The following ARHGAP29 variants were observed in gnomAD, a reference collection of about 807,000 sequenced individuals.
ARHGAP29 encodes rho GTPase-activating protein 29.
In ARHGAP29, 43 loss-of-function variants were observed where a neutral mutation model predicts 122.6. The observed-to-expected ratio is 0.35, with a 90% CI of 0.27 to 0.45. The LOEUF is 0.45. ARHGAP29 is among the 20% of genes least tolerant of loss of function. ARHGAP29 has a pLI of 1.00. For synonymous variants in ARHGAP29, 506 were observed against 497.1 expected (o/e 1.02, Z -0.24); for missense variants, 1,303 against 1,477.2 (o/e 0.88, Z 1.93).
At chr1:94,224,321 C>T (rs2101594999) in intron 2 of ARHGAP29, among the ~76,000 whole-genome samples, 1 of 152,274 alleles carries the variant, frequency 6.6e-6, no homozygotes, top group South Asian at 2.1e-4. Context: ...TTATTTCTAT[C>T]CCCTATTCTA....
At chr1:94,272,046 C>T (rs1655012647) in intron 1 of ARHGAP29, among the ~76,000 whole-genome samples, 1 of 152,084 alleles carries the variant, frequency 6.6e-6, no homozygotes, top group African/African-American at 2.4e-5. Flanking sequence ...TGTTGATAAT[C>T]CCTCACTCAA....
chr1:94,232,262 A>C (rs1338670806), intron 1 of ARHGAP29, among the ~76,000 whole-genome samples: 1 of 30,980 alleles, frequency 3.2e-5, no homozygotes, highest in Admixed American at 4.0e-4. Flanking sequence ...CTATCTCATG[A>C]GATTGTAGGG....
At chr1:94,211,380 C>G (rs902385532) in intron 3 of ARHGAP29, among the ~76,000 whole-genome samples, 6 of 133,706 alleles carry the variant, frequency 4.5e-5, no homozygotes, top group African/African-American at 1.7e-4. Context: ...AAAACTGCAA[C>G]AAAAAACACA....
chr1:94,221,525 TATTA>T (rs1221244211), intron 2 of ARHGAP29, among the ~76,000 whole-genome samples: 2 of 148,474 alleles, frequency 1.3e-5, no homozygotes, highest in African/African-American at 4.9e-5. Flanking sequence ...CAGTCATCTA[TATTA>T]TTTATATAAG....
At chr1:94,183,905 GT>G (rs1239226422) in intron 19 of ARHGAP29, among the ~76,000 whole-genome samples, 2 of 152,208 alleles carry the variant, frequency 1.3e-5, no homozygotes, top group African/African-American at 2.4e-5. Context: ...GAACATGGGG[GT>G]TTTTTATAAG....
upstream of ARHGAP29, among the ~76,000 whole-genome samples, chr1:94,241,923 AC>A (rs1557884438): frequency 6.6e-6 from 1 of 151,740 alleles, no homozygotes; most frequent in Admixed American, 6.6e-5. Flanking sequence ...CCCCACAATT[AC>A]CCCAACTTTC....
At chr1:94,215,531 G>A (rs958602836) in intron 3 of ARHGAP29, among the ~76,000 whole-genome samples, 1 of 151,884 alleles carries the variant, frequency 6.6e-6, no homozygotes, top group Non-Finnish European at 1.5e-5. Context: ...AGAATGTAGT[G>A]TATTTATGAT....
chr1:94,217,323 C>A (rs556118715), intron 3 of ARHGAP29, among the ~76,000 whole-genome samples: 17 of 151,692 alleles, frequency 1.1e-4, no homozygotes, highest in African/African-American at 3.9e-4. Flanking sequence ...CACTTGAGGT[C>A]AAGAGTTTGA....
At chr1:94,225,478 C>T (rs1043574764) in intron 2 of ARHGAP29, among the ~76,000 whole-genome samples, 1 of 151,992 alleles carries the variant, frequency 6.6e-6, no homozygotes, top group Non-Finnish European at 1.5e-5. Flanking sequence ...TTCAAACTAC[C>T]TTTGAAAACA....
At chr1:94,289,503 C>T in the ARHGAP29 span, among the ~76,000 whole-genome samples, 3 of 152,162 alleles carry the variant, frequency 2.0e-5, no homozygotes, top group Non-Finnish European at 2.9e-5. Flanking sequence ...TGCCTGATTG[C>T]CCTGGCCAGA....
At chr1:94,312,214 T>A in the ARHGAP29 span, among the ~76,000 whole-genome samples, 162 of 152,126 alleles carry the variant, frequency 1.1e-3, no homozygotes, top group Non-Finnish European at 2.0e-3. Context: ...TCCTTCCACA[T>A]CCCCCTAACT....
At chr1:94,233,556 C>T (rs1029284586) in intron 1 of ARHGAP29, among the ~76,000 whole-genome samples, 13 of 152,068 alleles carry the variant, frequency 8.5e-5, no homozygotes, top group Admixed American at 8.5e-4. Flanking sequence ...GAAAACCCTT[C>T]CAAAGTATAA....
At chr1:94,289,589 T>G in the ARHGAP29 span, among the ~76,000 whole-genome samples, 4 of 152,226 alleles carry the variant, frequency 2.6e-5, no homozygotes, top group Admixed American at 6.5e-5. Context: ...AGGGAATGCT[T>G]CCAGTTTTTG....
At chr1:94,293,605 C>A in the ARHGAP29 span, among the ~76,000 whole-genome samples, 1 of 152,212 alleles carries the variant, frequency 6.6e-6, no homozygotes, top group Non-Finnish European at 1.5e-5. Context: ...TCCTATTTGA[C>A]CGTCTTGGAA....
intron 13 of ARHGAP29, 45 bp from the exon 14 acceptor site, chr1:94,189,397 GAAT>G (rs1650001313): frequency 6.5e-7 from 1 of 1,541,396 alleles, no homozygotes; most frequent in African/African-American, 1.4e-5. Flanking sequence ...ACACTCCAAA[GAAT>G]AATAATCAGT....
the ARHGAP29 span, among the ~76,000 whole-genome samples, chr1:94,294,526 G>A: frequency 5.3e-5 from 8 of 152,166 alleles, no homozygotes; most frequent in Non-Finnish European, 1.2e-4. Context: ...GGGCTCAAGT[G>A]AGCTCCACCT....
At position 94,172,056 on chromosome 1, in the gene ARHGAP29, T is replaced by C. The variant is rs1303217299; in HGVS notation, c.*1813A>G. 1 of 152,214 alleles carries C rather than the reference T, an allele frequency of 6.6e-6. No homozygotes were observed. Among genetic ancestry groups the C allele is most frequent in the East Asian group, 1.9e-4 (1 of 5,202 alleles). 9.4% of individuals were successfully genotyped at this position (152,214 alleles called of 1,614,324 possible). A position where few individuals can be genotyped will look rare whatever the true frequency, so the allele number is the denominator to read the frequency against. ...AGTTGCATTTTCTATTGTTAAAAAC[T>C]ACCAGATATTATTTAGTAATCACAG... On this transcript the variant is annotated 3_prime_UTR_variant, in exon 23 of 23. Coordinates refer to ENST00000260526, the MANE Select transcript of ARHGAP29 (RefSeq NM_004815.4).
chr1:94,186,604 G>T lies in ARHGAP29; in HGVS notation c.1682-7C>A. On this transcript the variant is annotated splice_polypyrimidine_tract_variant and splice_region_variant and intron_variant, in intron 15 of 22. Coordinates refer to ENST00000260526, the MANE Select transcript of ARHGAP29 (RefSeq NM_004815.4). ...AGTTTTCGATGAAAGTCTCCTAGAA[G>T]AAAATTGTGGATACAATTACCTGAC... The T allele has an allele frequency of 6.3e-7, 1 of 1,597,442 alleles. No homozygotes were observed. The highest frequency in any genetic ancestry group is 1.1e-5 in the South Asian group (1 of 90,566).
At chr1:94,297,850 A>G in the ARHGAP29 span, among the ~76,000 whole-genome samples, 2,804 of 152,244 alleles carry the variant, frequency 0.018, 102 homozygotes, top group African/African-American at 0.065. Context: ...TGTGATGACC[A>G]CACAGAAAAG....
Sources: allele counts gnomAD v4.1 joint callset (sites outside exome capture counted in the v4.1 genomes callset), GRCh38; gene constraint gnomAD v4.1.1; transcripts MANE v1.5; gene names NCBI Gene and HGNC (gene_info 2026-07-23, HGNC 2026-07-21).